ELF3: variants seen among roughly 807,000 people sequenced by gnomAD.
The protein encoded by ELF3 is ETS-related transcription factor Elf-3.
Under a neutral mutation model 43.9 loss-of-function variants are expected in ELF3, and 18 were observed. The ratio of observed to expected loss-of-function variants is 0.41; its 90% CI spans 0.28 to 0.61. The LOEUF (loss-of-function observed/expected upper bound fraction) is 0.61. Ranked by LOEUF, ELF3 falls within the 20% of genes least tolerant of loss-of-function variation. The probability of loss-of-function intolerance (pLI) is 0.30; values close to 1 mark genes in which losing one functional copy is unlikely to be tolerated. For synonymous variants in ELF3, 181 were observed against 190.2 expected (o/e 0.95, Z 0.40); for missense variants, 373 against 487.7 (o/e 0.76, Z 2.21).
At position 202,012,052 on chromosome 1, in the gene ELF3, G is replaced by T; in HGVS notation, c.259G>T (p.Ala87Ser). 6.2e-7 allele frequency: 1 copy of T among 1,614,206 alleles called. No individual in the cohort carries two copies. Among genetic ancestry groups the T allele is most frequent in the Non-Finnish European group, 8.5e-7 (1 of 1,180,036 alleles). Residue 87 changes from alanine to serine, a missense_variant, in exon 3 of 9, where the codon GCA becomes TCA. Coordinates refer to ENST00000367284, the MANE Select transcript of ELF3 (RefSeq NM_004433.5). The surrounding 1 kb of genome is among the most constrained non-coding windows in gnomAD (Gnocchi z 4.2). ...CCAAGTGGAGAAGAACAAGTACGAC[G>T]CAAGCGCCATTGACTTCTCACGATG... The part of the protein sequence containing the change: ...SYQVEKNKYD[A>S]SAIDFSRCDM...
chr1:202,011,619 C>T (rs1684197867), intron 2 of ELF3: 1 of 461,994 alleles, frequency 2.2e-6, no homozygotes, highest in South Asian at 2.9e-5. Context: ...CGCCTGTAAT[C>T]CCAGCACTTT....
rs1684323965 is a variant in ELF3, at chr1:202,017,170, G to C, written c.*1847G>C. The C allele has an allele frequency of 6.6e-6, 1 of 152,138 alleles. No homozygotes were observed. The highest frequency in any genetic ancestry group is 6.5e-5 in the Admixed American group (1 of 15,270). 9.4% of individuals were successfully genotyped at this position (152,138 alleles called of 1,614,324 possible). A position where few individuals can be genotyped will look rare whatever the true frequency, so the allele number is the denominator to read the frequency against. ...GGCTGAAGTGATGTGGATAAAGAAGGGATCTTAGAAAAACTAAAGCTTGTG... is the reference window on the plus strand; with the variant it reads ...GGCTGAAGTGATGTGGATAAAGAAGCGATCTTAGAAAAACTAAAGCTTGTG... On this transcript the variant is annotated 3_prime_UTR_variant, in exon 9 of 9. Transcript: ENST00000367284.
At position 202,012,234 on chromosome 1, in the gene ELF3, G is replaced by A; in HGVS notation, c.385+56G>A. 1 of 1,607,078 alleles carries A rather than the reference G, an allele frequency of 6.2e-7. No homozygotes were observed. The highest frequency in any genetic ancestry group is 1.1e-5 in the South Asian group (1 of 90,576). On this transcript the variant is annotated intron_variant, in intron 3 of 8. Transcript: ENST00000367284. The surrounding 1 kb of genome is among the most constrained non-coding windows in gnomAD (Gnocchi z 4.2). ...AGCTCCACATGTTGAGCTGAGTCGA[G>A]TTCAGTGTGGCCGTAGGCAGGCCCT...
At chr1:202,015,123 G>C in intron 8 of ELF3, 86 bp from the exon 9 acceptor site, 1 of 1,367,060 alleles carries the variant, frequency 7.3e-7, no homozygotes, top group Admixed American at 1.7e-5. Flanking sequence ...GGGTTACCTG[G>C]GGGTAACGCG....
chr1:202,012,357 T>C lies in ELF3; in HGVS notation c.399T>C (p.Ser133=), dbSNP rs1161312989. 2 of 1,614,134 alleles carry C rather than the reference T, an allele frequency of 1.2e-6. No individual in the cohort carries two copies. Among genetic ancestry groups the C allele is most frequent in the Admixed American group, 1.7e-5 (1 of 60,016 alleles). ...AQLRDLTSSS[S]DELSWIIELL... Reference sequence around the variant, plus strand: ...CTTCCTTGTCAGCTTCCAGCTCTTCTGATGAGCTCAGTTGGATCATTGAGC... The same window carrying C: ...CTTCCTTGTCAGCTTCCAGCTCTTCCGATGAGCTCAGTTGGATCATTGAGC... Residue 133 remains serine, a synonymous_variant, in exon 4 of 9, where the codon TCT becomes TCC. Coordinates refer to ENST00000367284, the MANE Select transcript of ELF3 (RefSeq NM_004433.5). This position sits in a 1 kb window ranked among gnomAD's most constrained non-coding sequence, Gnocchi z 4.2.
rs1348014323 is a variant in ELF3 at position 202,016,689 on chromosome 1, G to T, written c.*1366G>T. ...CAGGTTTGTTACATGGGTATATTGTGTGATGCTGAGCTTGGGATGCGAATG... is the reference window on the plus strand; with the variant it reads ...CAGGTTTGTTACATGGGTATATTGTTTGATGCTGAGCTTGGGATGCGAATG... On this transcript the variant is annotated 3_prime_UTR_variant, in exon 9 of 9. Transcript: ENST00000367284. 1 of 152,036 alleles carries T rather than the reference G, an allele frequency of 6.6e-6. No homozygotes were observed. The highest frequency in any genetic ancestry group is 1.5e-5 in the Non-Finnish European group (1 of 68,016). 9.4% of individuals were successfully genotyped at this position (152,036 alleles called of 1,614,324 possible).
chr1:202,012,503 C>A lies in ELF3; in HGVS notation c.478+67C>A. The A allele has an allele frequency of 6.3e-7, 1 of 1,582,016 alleles. No homozygotes were observed. The highest frequency in any genetic ancestry group is 8.6e-7 in the Non-Finnish European group (1 of 1,163,690). On this transcript the variant is annotated intron_variant, in intron 4 of 8. Coordinates refer to ENST00000367284, the MANE Select transcript of ELF3 (RefSeq NM_004433.5). This position sits in a 1 kb window ranked among gnomAD's most constrained non-coding sequence, Gnocchi z 4.2. The stretch of plus-strand genomic sequence containing the variant: ...CCCATCCCTGCCCCTCCACAGAGTG[C>A]TAGAGATGACCCCCTCCCCAGACTT...
Position 202,010,605 on chromosome 1 carries a change from G to C in ELF3, c.-110G>C, listed in dbSNP as rs1684167675. 1 of 156,822 alleles carries C rather than the reference G, an allele frequency of 6.4e-6. No homozygotes were observed. The highest frequency in any genetic ancestry group is 2.4e-5 in the African/African-American group (1 of 41,468). The allele number at this position is 156,822 out of a possible 1,614,324, so 9.7% of individuals were successfully genotyped here. ...TCCCTCCAGGCTCTATTTAGAGCCG[G>C]GTAGGGGAGCGCAGCGGCCAGATAC... On this transcript the variant is annotated 5_prime_UTR_variant, in exon 1 of 9. Coordinates refer to ENST00000367284, the MANE Select transcript of ELF3 (RefSeq NM_004433.5). The surrounding 1 kb of genome is among the most constrained non-coding windows in gnomAD (Gnocchi z 4.3).
At chr1:202,014,668 C>T (rs1390498187) in intron 8 of ELF3, among the ~76,000 whole-genome samples, 1 of 152,032 alleles carries the variant, frequency 6.6e-6, no homozygotes, top group Admixed American at 6.6e-5. Context: ...AGTGCAGTGG[C>T]ACAATCTTGG....
In ELF3 at chr1:202,013,981, A is replaced by G. The variant is rs1684265156; in HGVS notation, c.958A>G (p.Lys320Glu). ...GGCCCAACTATGGGGCCAAAAGAAAAAGAACAGCAACATGACCTACGAGAA... is the reference window on the plus strand; with the variant it reads ...GGCCCAACTATGGGGCCAAAAGAAAGAGAACAGCAACATGACCTACGAGAA... ...AVAQLWGQKK[K>E]NSNMTYEKLS... The change falls in exon 8 of 9, where the codon AAG becomes GAG. Residue 320 changes from lysine (K) to glutamate (E), a missense_variant. Physicochemically the swap from Lys to Glu is moderately conservative, Grantham distance 56. Around this residue, in one of 3 missense-constraint regions of ELF3, gnomAD observed 61 missense variants for 115.9 expected, o/e 0.53. Transcript: ENST00000367284. The surrounding 1 kb of genome is among the most constrained non-coding windows in gnomAD (Gnocchi z 5.7). The G allele has an allele frequency of 6.2e-7, 1 of 1,613,716 alleles. No homozygotes were observed. Among genetic ancestry groups the G allele is most frequent in the Non-Finnish European group, 8.5e-7 (1 of 1,179,880 alleles).
Position 202,015,823 on chromosome 1 carries a change from A to G in ELF3, c.*500A>G, listed in dbSNP as rs1428343202. 6.1e-6 allele frequency: 1 copy of G among 164,650 alleles called. No individual in the cohort carries two copies. The highest frequency in any genetic ancestry group is 1.3e-5 in the Non-Finnish European group (1 of 74,208). 10.2% of individuals were successfully genotyped at this position (164,650 alleles called of 1,614,324 possible). ...TTTATGTGCTATATAAATATGTCAGATGTACATAGAGATCTATTTTTTCTA... is the reference window on the plus strand; with the variant it reads ...TTTATGTGCTATATAAATATGTCAGGTGTACATAGAGATCTATTTTTTCTA... On this transcript the variant is annotated 3_prime_UTR_variant, in exon 9 of 9. Coordinates refer to ENST00000367284, the MANE Select transcript of ELF3 (RefSeq NM_004433.5).
At chr1:202,011,736 G>C in intron 2 of ELF3, 1 of 572,222 alleles carries the variant, frequency 1.7e-6, no homozygotes, top group Admixed American at 3.2e-5. Context: ...ATTTATCCCA[G>C]CGTGGTGGTG....
intron 8 of ELF3, chr1:202,014,761 C>T (rs183920717): frequency 2.6e-4 from 43 of 166,358 alleles, no homozygotes; most frequent in Admixed American, 2.4e-3. Flanking sequence ...CACCTGCCAC[C>T]ATGCCCAGCT....
In ELF3 at chr1:202,013,161, C is replaced by T. The variant is rs770682335; in HGVS notation, c.689-21C>T. 9.3e-6 allele frequency: 15 copies of T among 1,613,050 alleles called. No individual in the cohort carries two copies. Among genetic ancestry groups the T allele is most frequent in the Non-Finnish European group, 1.2e-5 (14 of 1,179,442 alleles). ...AACTCCCCTCTTGCCCCTCCTTGAC[C>T]TTCCACCACCGTCCCCACAGATGGT... On this transcript the variant is annotated intron_variant, in intron 6 of 8. Transcript: ENST00000367284. The surrounding 1 kb of genome is among the most constrained non-coding windows in gnomAD (Gnocchi z 5.7).
chr1:202,015,323 A>T lies in ELF3; in HGVS notation c.1116A>T (p.Ter372CysextTer43). Residue 372 changes from the stop codon to cysteine, a stop_lost, in exon 9 of 9, where the codon TGA (stop) becomes TGT (cysteine). Transcript: ENST00000367284. ...AAGAGGTTCTCCAGAGTCGGAACTG[A>T]GGGTTGGAACTATACCCGGGACCAA... is the stretch of plus-strand genomic sequence containing the variant. ...KEEEVLQSRN[*>C] 6.2e-7 allele frequency: 1 copy of T among 1,613,994 alleles called. No homozygotes were observed. Among genetic ancestry groups the T allele is most frequent in the Non-Finnish European group, 8.5e-7 (1 of 1,179,976 alleles).
At position 202,011,233 on chromosome 1, in the gene ELF3, G is replaced by T. The variant is rs774988775; in HGVS notation, c.97G>T (p.Ala33Ser). 1.2e-6 allele frequency: 2 copies of T among 1,613,290 alleles called. No homozygotes were observed. Among genetic ancestry groups the T allele is most frequent in the East Asian group, 2.2e-5 (1 of 44,840 alleles). ...CACCCTGGCCTCTGTTCCCCCTGCT[G>T]CCACCTTTGGGGCCGATGACTTGGT... The part of the protein sequence containing the change: ...DSTLASVPPA[A>S]TFGADDLVLT... Residue 33 changes from alanine (A) to serine (S), a missense_variant, in exon 2 of 9, where the codon GCC becomes TCC. Ala to Ser is a moderately conservative substitution (Grantham distance 99). Transcript: ENST00000367284.
rs1196292458 is a variant in ELF3, at chr1:202,012,115, G to A, written c.322G>A (p.Glu108Lys). The change falls in exon 3 of 9, where the codon GAG (glutamate) becomes AAG (lysine). Residue 108 changes from glutamate to lysine, a missense_variant. Physicochemically the swap from Glu to Lys is moderately conservative, Grantham distance 56. Transcript: ENST00000367284. This position sits in a 1 kb window ranked among gnomAD's most constrained non-coding sequence, Gnocchi z 4.2. The part of the protein sequence containing the change: ...DGATLCNCAL[E>K]ELRLVFGPLG... ...CGCCACCCTCTGCAATTGTGCCCTT[G>A]AGGAGCTGCGTCTGGTCTTTGGGCC... is the stretch of plus-strand genomic sequence containing the variant. 6 of 1,614,112 alleles carry A rather than the reference G, an allele frequency of 3.7e-6. No homozygotes were observed. The highest frequency in any genetic ancestry group is 5.1e-6 in the Non-Finnish European group (6 of 1,180,044).
Position 202,012,124 on chromosome 1 carries a change from C to T in ELF3, c.331C>T (p.Arg111Cys), listed in dbSNP as rs761284995. The T allele has an allele frequency of 4.3e-6, 7 of 1,613,898 alleles. No individual in the cohort carries two copies. The highest frequency in any genetic ancestry group is 1.3e-5 in the African/African-American group (1 of 74,930). ...CTGCAATTGTGCCCTTGAGGAGCTG[C>T]GTCTGGTCTTTGGGCCTCTGGGGGA... ...TLCNCALEEL[R>C]LVFGPLGDQL... The change falls in exon 3 of 9, where the codon CGT becomes TGT. Residue 111 changes from arginine (R) to cysteine (C), a missense_variant. By Grantham distance (180) the Arg-to-Cys change is radical. Coordinates refer to ENST00000367284, the MANE Select transcript of ELF3 (RefSeq NM_004433.5). This position sits in a 1 kb window ranked among gnomAD's most constrained non-coding sequence, Gnocchi z 4.2.
intron 2 of ELF3, chr1:202,011,583 C>T (rs910764639): frequency 2.7e-5 from 13 of 478,334 alleles, no homozygotes; most frequent in Admixed American, 7.8e-5. Flanking sequence ...AGGAATGGGG[C>T]TGTGTGGGCT....
Sources: gnomAD v4.1 joint callset for allele counts (sites outside exome capture counted in the v4.1 genomes callset) on GRCh38, gnomAD v4.1.1 for gene constraint, gnomAD v4.1.1 regional missense constraint, Gnocchi (gnomAD v3.1) non-coding constraint, MANE v1.5 for transcripts, NCBI Gene and HGNC (gene_info 2026-07-23, HGNC 2026-07-21) for gene names.